The following GALNTL6 variants were observed in gnomAD, a reference collection of about 807,000 sequenced individuals.
GALNTL6 encodes the protein polypeptide N-acetylgalactosaminyltransferase like 6.
In GALNTL6, 46 loss-of-function variants were observed where a neutral mutation model predicts 73.7. The ratio of observed to expected loss-of-function variants is 0.62; its 90% CI spans 0.49 to 0.80. The LOEUF (loss-of-function observed/expected upper bound fraction) is 0.80, where lower values mean the gene tolerates loss of function less well. Ranked by LOEUF, GALNTL6 falls within the 30% of genes least tolerant of loss-of-function variation. GALNTL6 has a pLI of 0.00. For missense variants in GALNTL6, 604 were observed against 755.0 expected (o/e 0.80, Z 2.34); for synonymous variants, 259 against 263.7 (o/e 0.98, Z 0.17).
At chr4:171,961,985 T>C (rs2111048519) in intron 2 of GALNTL6, among the ~76,000 whole-genome samples, 1 of 152,348 alleles carries the variant, frequency 6.6e-6, no homozygotes, top group African/African-American at 2.4e-5. Context: ...AATGTACTCT[T>C]AAATCGAACA....
intron 5 of GALNTL6, among the ~76,000 whole-genome samples, chr4:172,593,182 A>G (rs954463903): frequency 2.0e-5 from 3 of 152,130 alleles, no homozygotes; most frequent in Non-Finnish European, 4.4e-5. Context: ...CATTATCTCA[A>G]CTTGGATCAT....
rs560456649 is a variant in GALNTL6, at chr4:171,831,883, A to G, written c.138+17165A>G. On this transcript the variant is annotated intron_variant, in intron 2 of 12. Coordinates refer to ENST00000506823, the MANE Select transcript of GALNTL6 (RefSeq NM_001034845.3). The stretch of plus-strand genomic sequence containing the variant: ...GGTATCATTTTAATATTATAAGAAA[A>G]TATGTGGATACACTTTTAGGTAACT... Among the ~76,000 whole-genome samples the G allele has an allele frequency of 8.6e-5, 13 of 151,780 alleles. No homozygotes were observed. The East Asian group carries it at 2.5e-3, about 29-fold the overall frequency.
chr4:173,023,077 C>T (rs1753082334), intron 12 of GALNTL6, among the ~76,000 whole-genome samples: 1 of 152,068 alleles, frequency 6.6e-6, no homozygotes, highest in African/African-American at 2.4e-5. Context: ...ATGGAATATC[C>T]CCCACTTTAT....
intron 2 of GALNTL6, among the ~76,000 whole-genome samples, chr4:171,884,144 C>T (rs1381910417): frequency 6.6e-6 from 1 of 152,204 alleles, no homozygotes; most frequent in Non-Finnish European, 1.5e-5. Flanking sequence ...CTCCTTGCCT[C>T]TCAACTGAAA....
At chr4:172,442,173 T>G (rs1731859653) in intron 5 of GALNTL6, among the ~76,000 whole-genome samples, 1 of 152,218 alleles carries the variant, frequency 6.6e-6, no homozygotes, top group Non-Finnish European at 1.5e-5. Context: ...CTTGGAACAT[T>G]GACTCAGTAT....
intron 2 of GALNTL6, among the ~76,000 whole-genome samples, chr4:172,055,563 C>T (rs1730997117): frequency 6.6e-6 from 1 of 152,034 alleles, no homozygotes; most frequent in Non-Finnish European, 1.5e-5. Context: ...TTTTTTCCCA[C>T]CCTTTTCCCA....
At chr4:172,066,774 A>T (rs972891621) in intron 2 of GALNTL6, among the ~76,000 whole-genome samples, 1 of 151,968 alleles carries the variant, frequency 6.6e-6, no homozygotes, top group Non-Finnish European at 1.5e-5. Context: ...TTGCCTAATG[A>T]CCCTACTAAA....
chr4:173,004,955 T>C (rs1443148015), intron 10 of GALNTL6, among the ~76,000 whole-genome samples: 5 of 152,184 alleles, frequency 3.3e-5, no homozygotes, highest in South Asian at 2.1e-4. Flanking sequence ...TAGCAGACCA[T>C]GCTGGCTCAT....
At chr4:172,738,743 A>G (rs1385945791) in intron 5 of GALNTL6, among the ~76,000 whole-genome samples, 9 of 152,262 alleles carry the variant, frequency 5.9e-5, no homozygotes, top group Non-Finnish European at 1.5e-5. Flanking sequence ...GGTTTTATAC[A>G]TTTTAGGCAT....
intron 5 of GALNTL6, among the ~76,000 whole-genome samples, chr4:172,513,702 G>A (rs1010968727): frequency 1.3e-5 from 2 of 152,142 alleles, no homozygotes; most frequent in African/African-American, 4.8e-5. Context: ...GCCAACCAGC[G>A]GAGCTGCCTG....
chr4:172,999,287 AC>A (rs1287571001), intron 10 of GALNTL6, among the ~76,000 whole-genome samples: 2 of 151,992 alleles, frequency 1.3e-5, no homozygotes. Flanking sequence ...GCTCTCTTCC[AC>A]CCCACCCCAC....
intron 3 of GALNTL6, among the ~76,000 whole-genome samples, chr4:172,302,192 T>C (rs1409635565): frequency 2.0e-5 from 3 of 152,188 alleles, no homozygotes; most frequent in Admixed American, 1.3e-4. Context: ...AATCTCCTGG[T>C]GTGCTGTTTG....
At chr4:172,495,595 A>G (rs1385673271) in intron 5 of GALNTL6, among the ~76,000 whole-genome samples, 1 of 152,146 alleles carries the variant, frequency 6.6e-6, no homozygotes. Flanking sequence ...TCTATATACT[A>G]TACGGTTCTG....
chr4:172,597,075 C>T (rs947029204), intron 5 of GALNTL6, among the ~76,000 whole-genome samples: 1 of 152,074 alleles, frequency 6.6e-6, no homozygotes, highest in African/African-American at 2.4e-5. Flanking sequence ...TACATAAATC[C>T]TATTATTTAA....
intron 2 of GALNTL6, among the ~76,000 whole-genome samples, chr4:172,135,091 CATCTA>C (rs1224690219): frequency 6.6e-6 from 1 of 152,114 alleles, no homozygotes; most frequent in Non-Finnish European, 1.5e-5. Flanking sequence ...TCTTAGCAGT[CATCTA>C]AGTGCCAGCT....
chr4:172,183,363 C>G (rs1213232727), intron 2 of GALNTL6, among the ~76,000 whole-genome samples: 1 of 152,058 alleles, frequency 6.6e-6, no homozygotes, highest in Non-Finnish European at 1.5e-5. Context: ...GAGAAAGAAG[C>G]TTAGAGGAAA....
chr4:172,741,263 A>G (rs916576130), intron 5 of GALNTL6, among the ~76,000 whole-genome samples: 1 of 152,206 alleles, frequency 6.6e-6, no homozygotes, highest in Middle Eastern at 3.4e-3. Context: ...TGCTTTGGGT[A>G]TCTCTGAAGG....
chr4:172,528,503 AC>A (rs1468006620), intron 5 of GALNTL6, among the ~76,000 whole-genome samples: 3 of 151,042 alleles, frequency 2.0e-5, no homozygotes, highest in African/African-American at 7.3e-5. Flanking sequence ...GACTACAGGC[AC>A]CTGCCACCAC....
At position 172,069,522 on chromosome 4, in the gene GALNTL6, G is replaced by GTACGACACATATATGTTATA. The variant is rs1731461205; in HGVS notation, c.139-160132_139-160131insCGACACATATATGTTATATA. On this transcript the variant is annotated intron_variant, in intron 2 of 12. Transcript: ENST00000506823. ...TATGTATAACACATATATGTTATATGTATAACACATATATTATATATAACA... is the reference window on the plus strand; with the variant it reads ...TATGTATAACACATATATGTTATATGTACGACACATATATGTTATATATAACACATATATTATATATAACA... Among the ~76,000 whole-genome samples, 71 of 56,032 alleles carry GTACGACACATATATGTTATA rather than the reference G, an allele frequency of 1.3e-3. 24 individuals carry two copies. Among genetic ancestry groups the GTACGACACATATATGTTATA allele is most frequent in the Middle Eastern group, 0.01 (1 of 98 alleles). The allele number at this position is 56,032 out of a possible 152,430, so 36.8% of individuals were successfully genotyped here. A position where few individuals can be genotyped will look rare whatever the true frequency, so the allele number is the denominator to read the frequency against.
Sources: gnomAD v4.1 joint callset for allele counts (sites outside exome capture counted in the v4.1 genomes callset) on GRCh38, gnomAD v4.1.1 for gene constraint, MANE v1.5 for transcripts, NCBI Gene and HGNC (gene_info 2026-07-23, HGNC 2026-07-21) for gene names.